ABAT: variants seen among roughly 807,000 people sequenced by gnomAD.
ABAT encodes the protein 4-aminobutyrate aminotransferase, mitochondrial.
In ABAT, 45 loss-of-function variants were observed where a neutral mutation model predicts 64.6. The observed-to-expected ratio is 0.70, with a 90% CI of 0.55 to 0.89. The LOEUF (loss-of-function observed/expected upper bound fraction) is 0.89. Among genes scored for constraint, ABAT ranks in the 40% least tolerant of loss-of-function variants. The pLI, the probability that ABAT is intolerant of heterozygous loss-of-function variation, is 0.00. For missense variants in ABAT, 633 were observed against 658.4 expected, an observed-to-expected ratio of 0.96 and a Z score of 0.42; for synonymous variants, 297 against 250.5, an observed-to-expected ratio of 1.19 and a Z score of -1.75.
chr16:8,699,679 A>G (rs535705102), intron 1 of ABAT, among the ~76,000 whole-genome samples: 56 of 152,036 alleles, frequency 3.7e-4, no homozygotes, highest in Non-Finnish European at 6.9e-4. Flanking sequence ...CTCCAACCCC[A>G]TCCTCCTGAG....
intron 1 of ABAT, among the ~76,000 whole-genome samples, chr16:8,729,981 G>A (rs1368044172): frequency 6.6e-6 from 1 of 152,140 alleles, no homozygotes; most frequent in African/African-American, 2.4e-5. Flanking sequence ...CTGAGAAGGG[G>A]GAGGAAGGAA....
chr16:8,746,156 G>A lies in ABAT; in HGVS notation c.168+58G>A. 1.0e-5 allele frequency: 14 copies of A among 1,359,594 alleles called. No individual in the cohort carries two copies. In the South Asian group the frequency reaches 1.6e-4, roughly 16 times the overall value. 84.2% of individuals were successfully genotyped at this position (1,359,594 alleles called of 1,614,324 possible). On this transcript the variant is annotated intron_variant, in intron 3 of 15. Coordinates refer to ENST00000268251, the MANE Select transcript of ABAT (RefSeq NM_020686.6). ...GAAAAGGGAAAAAGGCGCCTAAGAAGCAAAAGCACAGCCAAGCTTAGGGAC... is the reference window on the plus strand; with the variant it reads ...GAAAAGGGAAAAAGGCGCCTAAGAAACAAAAGCACAGCCAAGCTTAGGGAC...
At chr16:8,738,805 C>T (rs763430610) in intron 2 of ABAT, among the ~76,000 whole-genome samples, 23 of 151,702 alleles carry the variant, frequency 1.5e-4, no homozygotes, top group South Asian at 4.2e-4. Flanking sequence ...CCACCATGCC[C>T]GGCTAATTTT....
At chr16:8,702,925 A>T (rs2057858036) in intron 1 of ABAT, among the ~76,000 whole-genome samples, 1 of 152,108 alleles carries the variant, frequency 6.6e-6, no homozygotes, top group South Asian at 2.1e-4. Context: ...GGAGGCAGGA[A>T]AGTGGGCAGA....
At chr16:8,701,435 C>A (rs1225221830) in intron 1 of ABAT, among the ~76,000 whole-genome samples, 2 of 152,226 alleles carry the variant, frequency 1.3e-5, no homozygotes, top group Non-Finnish European at 2.9e-5. Context: ...CCAGGCCCTG[C>A]CCTTAGAAGG....
At chr16:8,687,775 G>A (rs1394835390) in intron 1 of ABAT, among the ~76,000 whole-genome samples, 1 of 152,182 alleles carries the variant, frequency 6.6e-6, no homozygotes, top group Non-Finnish European at 1.5e-5. Context: ...TGAGTGCCCG[G>A]GAGCCAGTGA....
chr16:8,733,741 G>A (rs904667177), intron 1 of ABAT, among the ~76,000 whole-genome samples: 1 of 151,470 alleles, frequency 6.6e-6, no homozygotes, highest in East Asian at 1.9e-4. Context: ...GAATCAGGCA[G>A]GGAGGTTGCA....
Position 8,701,021 on chromosome 16 carries a change from TCTG to T in ABAT, c.-42+26313_-42+26315del, listed in dbSNP as rs534548990. 7.1e-3 allele frequency among the ~76,000 whole-genome samples: 1,070 copies of T among 151,026 alleles called. 12 individuals are homozygous for T. Among genetic ancestry groups the T allele is most frequent in the African/African-American group, 0.025 (1,023 of 41,098 alleles). ...GCTGCAATCTTGGCTCACTGTAACCTCTGCTACCCGGATTCAAGCAATTATCTT... is the reference window on the plus strand; with the variant it reads ...GCTGCAATCTTGGCTCACTGTAACCTCTACCCGGATTCAAGCAATTATCTT... On this transcript the variant is annotated intron_variant, in intron 1 of 15. Coordinates refer to ENST00000268251, the MANE Select transcript of ABAT (RefSeq NM_020686.6).
intron 5 of ABAT, among the ~76,000 whole-genome samples, chr16:8,752,530 A>C (rs1255958564): frequency 6.6e-6 from 1 of 152,176 alleles, no homozygotes; most frequent in Non-Finnish European, 1.5e-5. Context: ...AGGCCAAGGG[A>C]AGAGGATTGT....
chr16:8,751,406 G>T (rs1214310484), intron 5 of ABAT, among the ~76,000 whole-genome samples: 1 of 152,130 alleles, frequency 6.6e-6, no homozygotes, highest in Non-Finnish European at 1.5e-5. Flanking sequence ...GGATTCTTGG[G>T]CAGGTTATTG....
intron 2 of ABAT, 28 bp downstream of exon 2, chr16:8,735,837 T>A (rs1371503080): frequency 1.3e-6 from 2 of 1,564,770 alleles, no homozygotes; most frequent in South Asian, 2.3e-5. Context: ...TGATAAGAAC[T>A]GGTACTAATG....
chr16:8,745,919 G>A, intron 2 of ABAT, 82 bp from the exon 3 acceptor site: 1 of 1,346,258 alleles, frequency 7.4e-7, no homozygotes, highest in Non-Finnish European at 1.1e-6. Context: ...ACCTCTGTTA[G>A]GGACATTGGG....
rs189418622 is a variant in ABAT at position 8,698,446 on chromosome 16, G to A, written c.-42+23735G>A. Among the ~76,000 whole-genome samples the A allele has an allele frequency of 3.3e-3, 506 of 152,002 alleles. 3 individuals are homozygous for A. The highest frequency in any genetic ancestry group is 7.9e-3 in the Admixed American group (120 of 15,276). On this transcript the variant is annotated intron_variant, in intron 1 of 15. Coordinates refer to ENST00000268251, the MANE Select transcript of ABAT (RefSeq NM_020686.6). ...CCTCCTGGGTTCAAGTGATTCTCCT[G>A]CCTCAGCCTCCCAAGTAGCTGGGAT...
At chr16:8,711,924 T>A (rs1432265859) in intron 1 of ABAT, among the ~76,000 whole-genome samples, 2 of 152,058 alleles carry the variant, frequency 1.3e-5, no homozygotes, top group African/African-American at 2.4e-5. Context: ...GACTTTATTG[T>A]CTTTAGATTG....
At chr16:8,739,875 T>C (rs2059114142) in intron 2 of ABAT, among the ~76,000 whole-genome samples, 1 of 151,730 alleles carries the variant, frequency 6.6e-6, no homozygotes, top group African/African-American at 2.4e-5. Flanking sequence ...GAAAACCATA[T>C]GGTGAGATTT....
intron 5 of ABAT, 147 bp from the exon 6 acceptor site, chr16:8,757,610 T>C: frequency 1.1e-6 from 1 of 901,710 alleles, no homozygotes; most frequent in Admixed American, 2.1e-5. Context: ...CCCAGGAATC[T>C]CTTTTTGTCA....
chr16:8,784,139 G>C lies in ABAT; in HGVS notation c.*2709G>C, dbSNP rs2060496415. 1 of 152,772 alleles carries C rather than the reference G, an allele frequency of 6.5e-6. No homozygotes were observed. The highest frequency in any genetic ancestry group is 1.9e-4 in the East Asian group (1 of 5,186). The allele number at this position is 152,772 out of a possible 1,614,324, so 9.5% of individuals were successfully genotyped here. ...TGAAGAAGTGCTTCCGTGGCCGACA[G>C]TCTGGAAATGAATCCATCATACATT... On this transcript the variant is annotated 3_prime_UTR_variant, in exon 16 of 16. Transcript: ENST00000268251.
chr16:8,725,324 A>G (rs1341585535), intron 1 of ABAT, among the ~76,000 whole-genome samples: 1 of 151,896 alleles, frequency 6.6e-6, no homozygotes, highest in Non-Finnish European at 1.5e-5. Flanking sequence ...CTAATTCCAG[A>G]TTTTTTTCAT....
intron 6 of ABAT, among the ~76,000 whole-genome samples, chr16:8,763,110 A>C (rs2059845155): frequency 6.6e-6 from 1 of 151,866 alleles, no homozygotes; most frequent in Non-Finnish European, 1.5e-5. Flanking sequence ...GTAACAAAAA[A>C]AAAAAAAAAA....
Sources: gnomAD v4.1 joint callset for allele counts (sites outside exome capture counted in the v4.1 genomes callset) on GRCh38, gnomAD v4.1.1 for gene constraint, MANE v1.5 for transcripts, NCBI Gene and HGNC (gene_info 2026-07-23, HGNC 2026-07-21) for gene names.